PXDNL: variants seen among roughly 807,000 people sequenced by gnomAD.
PXDNL encodes peroxidasin like.
In PXDNL, 145 loss-of-function variants were observed where a neutral mutation model predicts 150.8. That is an observed-to-expected ratio of 0.96 (90% CI 0.84 to 1.10). PXDNL has a LOEUF of 1.10. PXDNL is among the 50% of genes least tolerant of loss of function. The probability of loss-of-function intolerance (pLI) is 0.00; values close to 1 mark genes in which losing one functional copy is unlikely to be tolerated. For missense variants in PXDNL, 2,087 were observed against 1,873.9 expected, an observed-to-expected ratio of 1.11 and a Z score of -2.10; for synonymous variants, 757 against 725.7, an observed-to-expected ratio of 1.04 and a Z score of -0.69.
chr8:51,515,359 C>T (rs988045046), intron 4 of PXDNL, among the ~76,000 whole-genome samples: 1 of 152,050 alleles, frequency 6.6e-6, no homozygotes, highest in African/African-American at 2.4e-5. Context: ...GAGGCATTGT[C>T]GAGAGGTGGA....
chr8:51,801,321 T>A (rs1039314756), intron 1 of PXDNL, among the ~76,000 whole-genome samples: 3 of 152,144 alleles, frequency 2.0e-5, no homozygotes, highest in African/African-American at 7.2e-5. Flanking sequence ...AACCCTGTTT[T>A]CTGTTAAGAT....
At chr8:51,683,163 T>TTATATATATATATATATA (rs1815791021) in intron 1 of PXDNL, among the ~76,000 whole-genome samples, 1 of 19,188 alleles carries the variant, frequency 5.2e-5, no homozygotes, top group Non-Finnish European at 9.3e-5. Flanking sequence ...CAATTGTCTT[T>TTATATATATATATATATA]CATATATATA....
At chr8:51,376,146 T>C (rs1807301770) in intron 17 of PXDNL, among the ~76,000 whole-genome samples, 1 of 152,222 alleles carries the variant, frequency 6.6e-6, no homozygotes, top group Admixed American at 6.5e-5. Flanking sequence ...GATATCCATA[T>C]GTATATCTTC....
chr8:51,633,947 A>C (rs1814547018), intron 2 of PXDNL, among the ~76,000 whole-genome samples: 1 of 151,922 alleles, frequency 6.6e-6, no homozygotes, highest in Non-Finnish European at 1.5e-5. Context: ...TATTCTGTTG[A>C]TAGTTTCTTT....
In PXDNL at chr8:51,408,290, G is replaced by A. The variant is rs757140816; in HGVS notation, c.3334C>T (p.Arg1112Trp). The A allele has an allele frequency of 2.2e-5, 36 of 1,613,786 alleles. No individual in the cohort carries two copies. Among genetic ancestry groups the A allele is most frequent in the East Asian group, 1.8e-4 (8 of 44,884 alleles). Residue 1112 changes from arginine to tryptophan, a missense_variant, in exon 17 of 23, where the codon CGG becomes TGG. By Grantham distance (101) the Arg-to-Trp change is moderately radical. Transcript: ENST00000356297. Reference sequence around the variant, plus strand: ...GGACTGAGAAGGTAGGAGGGTGCCCGCCATTTAGCAGCCACGCCAAACAGC... The same window carrying A: ...GGACTGAGAAGGTAGGAGGGTGCCCACCATTTAGCAGCCACGCCAAACAGC... ...RGLFGVAAKW[R>W]APSYLLSPEL...
chr8:51,689,754 G>C (rs934138961), intron 1 of PXDNL, among the ~76,000 whole-genome samples: 9 of 152,194 alleles, frequency 5.9e-5, no homozygotes, highest in Non-Finnish European at 4.4e-5. Flanking sequence ...ATAACATAGA[G>C]AGGAGCATGG....
At chr8:51,678,092 A>G (rs1815664481) in intron 1 of PXDNL, among the ~76,000 whole-genome samples, 1 of 152,238 alleles carries the variant, frequency 6.6e-6, no homozygotes, top group African/African-American at 2.4e-5. Context: ...TGTATGAAGA[A>G]GGATATCTTT....
chr8:51,606,081 AAAAAG>A lies in PXDNL; in HGVS notation c.237-13388_237-13384del, dbSNP rs571692417. Among the ~76,000 whole-genome samples, 215 of 152,292 alleles carry A rather than the reference AAAAAG, an allele frequency of 1.4e-3. 2 individuals carry two copies. The highest frequency in any genetic ancestry group is 3.8e-4 in the Non-Finnish European group (26 of 68,022). ...TAGACTAAGACAGATCTCTTTTTAA[AAAAAG>A]AAAAGATGCCAGATTCTATGAGATT... On this transcript the variant is annotated intron_variant, in intron 2 of 22. Transcript: ENST00000356297.
At chr8:51,336,567 T>G (rs1406146985) in intron 21 of PXDNL, among the ~76,000 whole-genome samples, 1 of 152,174 alleles carries the variant, frequency 6.6e-6, no homozygotes, top group Non-Finnish European at 1.5e-5. Flanking sequence ...CCATCTACCT[T>G]TGGGTGCTCC....
intron 1 of PXDNL, among the ~76,000 whole-genome samples, chr8:51,753,442 G>T (rs555582784): frequency 1.3e-5 from 2 of 152,308 alleles, no homozygotes; most frequent in East Asian, 3.9e-4. Context: ...GGATGAGAAT[G>T]TATTTCAAGT....
chr8:51,441,579 CA>C (rs1010045773), intron 12 of PXDNL, among the ~76,000 whole-genome samples: 3 of 151,560 alleles, frequency 2.0e-5, no homozygotes, highest in Admixed American at 6.6e-5. Context: ...TATTTTAGTG[CA>C]AAAAAAATTG....
intron 4 of PXDNL, among the ~76,000 whole-genome samples, chr8:51,514,074 T>C (rs1479308303): frequency 6.6e-6 from 1 of 152,350 alleles, no homozygotes; most frequent in African/African-American, 2.4e-5. Flanking sequence ...CTTACAGTTA[T>C]TGAAGAAGAA....
At chr8:51,725,738 A>G (rs1015265143) in intron 1 of PXDNL, among the ~76,000 whole-genome samples, 3 of 152,238 alleles carry the variant, frequency 2.0e-5, no homozygotes, top group African/African-American at 4.8e-5. Context: ...GATTGGGGAT[A>G]GAACCCAGTT....
chr8:51,795,387 T>A (rs2037550370), intron 1 of PXDNL, among the ~76,000 whole-genome samples: 1 of 152,190 alleles, frequency 6.6e-6, no homozygotes, highest in African/African-American at 2.4e-5. Context: ...ATCAATCACA[T>A]AATTGGAAGT....
chr8:51,656,823 G>A (rs1442077505), intron 1 of PXDNL, among the ~76,000 whole-genome samples: 9 of 152,080 alleles, frequency 5.9e-5, no homozygotes. Flanking sequence ...AAAACACATT[G>A]TAGATAAAAT....
chr8:51,319,926 G>A lies in PXDNL; in HGVS notation c.4357C>T (p.Arg1453Ter), dbSNP rs753425862. The A allele has an allele frequency of 5.9e-5, 92 of 1,558,516 alleles. No individual in the cohort carries two copies. Among genetic ancestry groups the A allele is most frequent in the South Asian group, 7.3e-5 (6 of 81,666 alleles). Reference sequence around the variant, plus strand: ...TCTGGGGAATCACTTGGCATTCCTCGGTCTCTGCAAACTGGACAGCAGGTT... The same window carrying A: ...TCTGGGGAATCACTTGGCATTCCTCAGTCTCTGCAAACTGGACAGCAGGTT... The part of the protein sequence containing the change: ...KGTCCPVCRD[R>*]GMPSDSPEKR The change falls in exon 23 of 23, where the codon CGA becomes TGA. Residue 1453 changes from arginine to a stop codon, truncating the protein, a stop_gained. Transcript: ENST00000356297. LOFTEE classifies it low-confidence loss of function (END_TRUNC).
In PXDNL at chr8:51,427,820, G is replaced by A. The variant is rs954887033; in HGVS notation, c.1526-1062C>T. Among the ~76,000 whole-genome samples, 7 of 152,278 alleles carry A rather than the reference G, an allele frequency of 4.6e-5. No individual in the cohort carries two copies. The South Asian group carries it at 1.0e-3, about 23-fold the overall frequency. The stretch of plus-strand genomic sequence containing the variant: ...GAATACTTTTCACATAGAAAATAAG[G>A]CAGGGATATCTGTTCTCTCTAGTCT... On this transcript the variant is annotated intron_variant, in intron 12 of 22. Transcript: ENST00000356297.
chr8:51,664,763 C>T (rs1235462690), intron 1 of PXDNL, among the ~76,000 whole-genome samples: 3 of 152,036 alleles, frequency 2.0e-5, no homozygotes, highest in Non-Finnish European at 4.4e-5. Context: ...CTCCCAGGTG[C>T]CCTGCGGTCC....
chr8:51,632,357 T>C (rs1167549637), intron 2 of PXDNL, among the ~76,000 whole-genome samples: 2 of 152,088 alleles, frequency 1.3e-5, no homozygotes, highest in Non-Finnish European at 2.9e-5. Context: ...TCCCAGCACT[T>C]TGGGAAGCTG....
Sources: allele counts gnomAD v4.1 joint callset (sites outside exome capture counted in the v4.1 genomes callset), GRCh38; gene constraint gnomAD v4.1.1; transcripts MANE v1.5; gene names NCBI Gene and HGNC (gene_info 2026-07-23, HGNC 2026-07-21).